Variants in NBAS observed in about 807,000 individuals in gnomAD.
NBAS encodes the protein NBAS subunit of NRZ tethering complex, also known as NAG/BC035112 fusion.
A neutral mutation model predicts 302.5 loss-of-function variants in NBAS; 219 were observed. The observed-to-expected ratio is 0.72, with a 90% CI of 0.65 to 0.81. The LOEUF is 0.81. NBAS is among the 30% of genes least tolerant of loss of function. The pLI, the probability that NBAS is intolerant of heterozygous loss-of-function variation, is 0.00. For missense variants in NBAS, 2,932 were observed against 2,841.6 expected (o/e 1.03, Z -0.72); for synonymous variants, 1,118 against 1,021.6 (o/e 1.09, Z -1.80).
rs149171380 is a variant in NBAS at position 15,491,346 on chromosome 2, C to T, written c.955-2324G>A. Among the ~76,000 whole-genome samples the T allele has an allele frequency of 3.9e-3, 588 of 152,338 alleles. 3 individuals carry two copies. Among genetic ancestry groups the T allele is most frequent in the Middle Eastern group, 0.031 (9 of 294 alleles). On this transcript the variant is annotated intron_variant, in intron 11 of 51. Coordinates refer to ENST00000281513, the MANE Select transcript of NBAS (RefSeq NM_015909.4). ...CACAGGGAGAATGTGAACAAACAGG[C>T]CTTGCTAAGTTCCTCCCAATTTACT...
At chr2:15,430,838 G>C (rs529723928) in intron 21 of NBAS, among the ~76,000 whole-genome samples, 1 of 151,678 alleles carries the variant, frequency 6.6e-6, no homozygotes, top group Admixed American at 6.6e-5. Context: ...ATGGAGTCTC[G>C]CTCGGTCGCC....
rs10624311 is a variant in NBAS at position 15,403,864 on chromosome 2, CGTGTGTGT to C, written c.2938-1571_2938-1564del. Among the ~76,000 whole-genome samples the C allele has an allele frequency of 3.4e-4, 46 of 135,440 alleles. 1 individual carries two copies. The highest frequency in any genetic ancestry group is 2.3e-3 in the Admixed American group (30 of 13,276). The allele number at this position is 135,440 out of a possible 152,430, so 88.9% of individuals were successfully genotyped here. A position where few individuals can be genotyped will look rare whatever the true frequency, so the allele number is the denominator to read the frequency against. On this transcript the variant is annotated intron_variant, in intron 25 of 51. Coordinates refer to ENST00000281513, the MANE Select transcript of NBAS (RefSeq NM_015909.4). ...TTTCCTGATTTATTTTTCCTTCCTT[CGTGTGTGT>C]GTGTGTGTGTGTGTGTGTGTGTGTG...
the NBAS span, among the ~76,000 whole-genome samples, chr2:14,834,582 T>C: frequency 6.6e-6 from 1 of 152,140 alleles, no homozygotes. Flanking sequence ...CAAGGTGCTA[T>C]TCAGAACAAC....
intron 25 of NBAS, among the ~76,000 whole-genome samples, chr2:15,403,899 G>GTC (rs1553305903): frequency 4.6e-5 from 6 of 129,690 alleles, no homozygotes; most frequent in African/African-American, 1.5e-4. Context: ...GTGTGTGTGT[G>GTC]TCTATACACT....
the NBAS span, among the ~76,000 whole-genome samples, chr2:14,911,274 T>TGC: frequency 6.6e-6 from 1 of 152,190 alleles, no homozygotes; most frequent in African/African-American, 2.4e-5. Flanking sequence ...TCAGAAAATG[T>TGC]GCATTTGTTT....
At chr2:14,964,316 T>C in the NBAS span, among the ~76,000 whole-genome samples, 1 of 152,188 alleles carries the variant, frequency 6.6e-6, no homozygotes, top group African/African-American at 2.4e-5. Flanking sequence ...TAAACAATAT[T>C]AGTAAGATTC....
intron 29 of NBAS, among the ~76,000 whole-genome samples, chr2:15,381,796 T>G (rs1328878405): frequency 3.3e-5 from 5 of 152,340 alleles, no homozygotes; most frequent in Non-Finnish European, 7.3e-5. Flanking sequence ...ACATTAGTTA[T>G]TCATGCATTT....
chr2:15,364,635 A>AGACCATTTT (rs1236983105), intron 32 of NBAS, among the ~76,000 whole-genome samples: 9 of 152,280 alleles, frequency 5.9e-5, no homozygotes, highest in African/African-American at 1.9e-4. Flanking sequence ...CTCTGAGACC[A>AGACCATTTT]TCAAATGGAA....
At chr2:15,551,922 T>A (rs1344002834) in intron 5 of NBAS, among the ~76,000 whole-genome samples, 1 of 152,226 alleles carries the variant, frequency 6.6e-6, no homozygotes, top group African/African-American at 2.4e-5. Flanking sequence ...GAACCACTGG[T>A]CTGTATCATA....
intron 38 of NBAS, among the ~76,000 whole-genome samples, chr2:15,323,478 G>C (rs1324712370): frequency 6.6e-6 from 1 of 152,166 alleles, no homozygotes; most frequent in East Asian, 1.9e-4. Flanking sequence ...TGAGGCTGGG[G>C]AGAACCTAAT....
intron 44 of NBAS, among the ~76,000 whole-genome samples, chr2:15,253,243 T>C (rs1332927099): frequency 3.9e-5 from 6 of 152,100 alleles, no homozygotes; most frequent in African/African-American, 1.2e-4. Flanking sequence ...GCAGCAGCTG[T>C]AGTATATTTG....
chr2:15,378,541 T>A (rs1183509560), intron 30 of NBAS, among the ~76,000 whole-genome samples: 1 of 152,204 alleles, frequency 6.6e-6, no homozygotes. Context: ...TTAATACACC[T>A]AACCTAACAA....
At chr2:15,282,348 T>A (rs1326682672) in intron 42 of NBAS, among the ~76,000 whole-genome samples, 1 of 152,162 alleles carries the variant, frequency 6.6e-6, no homozygotes, top group East Asian at 1.9e-4. Flanking sequence ...GACACAAACC[T>A]ATGTGAACAA....
intron 19 of NBAS, among the ~76,000 whole-genome samples, chr2:15,462,119 A>G (rs1311783833): frequency 6.6e-6 from 1 of 152,246 alleles, no homozygotes. Flanking sequence ...TGAGCACCTG[A>G]ACCTCTATAG....
chr2:15,416,567 GC>G (rs1676943822), intron 24 of NBAS, among the ~76,000 whole-genome samples: 1 of 152,100 alleles, frequency 6.6e-6, no homozygotes, highest in Non-Finnish European at 1.5e-5. Flanking sequence ...ACTTTGGGAG[GC>G]CTAGGCAGGT....
At chr2:15,176,651 G>C (rs942929028) in intron 51 of NBAS, among the ~76,000 whole-genome samples, 1 of 152,168 alleles carries the variant, frequency 6.6e-6, no homozygotes, top group Non-Finnish European at 1.5e-5. Context: ...ATACTTACTT[G>C]TTGAGTATTC....
the NBAS span, among the ~76,000 whole-genome samples, chr2:14,823,608 A>C: frequency 6.6e-6 from 1 of 152,200 alleles, no homozygotes; most frequent in Non-Finnish European, 1.5e-5. Context: ...CTCAGGTTTT[A>C]CATTTTTCGA....
the NBAS span, among the ~76,000 whole-genome samples, chr2:15,076,141 T>C: frequency 6.6e-6 from 1 of 152,174 alleles, no homozygotes; most frequent in African/African-American, 2.4e-5. Flanking sequence ...CCCTTGAGCC[T>C]TGTAGCCTGT....
At chr2:15,166,748 T>C (rs898410460), downstream of NBAS, among the ~76,000 whole-genome samples, 2 of 152,092 alleles carry the variant, frequency 1.3e-5, no homozygotes, top group African/African-American at 2.4e-5. Flanking sequence ...CACATCCAAC[T>C]TGCTGAACTA....
Sources: allele counts gnomAD v4.1 joint callset (sites outside exome capture counted in the v4.1 genomes callset), GRCh38; gene constraint gnomAD v4.1.1; transcripts MANE v1.5; gene names NCBI Gene and HGNC (gene_info 2026-07-23, HGNC 2026-07-21).